TBC1D7: variants seen among roughly 807,000 people sequenced by gnomAD.
TBC1D7 encodes TBC1 domain family member 7.
TBC1D7 carries 33 observed loss-of-function variants against 35.3 expected under a neutral mutation model. The observed-to-expected ratio is 0.93, with a 90% confidence interval of 0.71 to 1.25. The LOEUF (loss-of-function observed/expected upper bound fraction) is 1.25. Among genes scored for constraint, TBC1D7 ranks in the 50% most tolerant of loss-of-function variants. The pLI, the probability that TBC1D7 is intolerant of heterozygous loss-of-function variation, is 0.00. For synonymous variants in TBC1D7, 135 were observed against 129.5 expected, an observed-to-expected ratio of 1.04 and a Z score of -0.29; for missense variants, 362 against 365.3, an observed-to-expected ratio of 0.99 and a Z score of 0.07.
At position 13,325,143 on chromosome 6, in the gene TBC1D7, C is replaced by T. The variant is rs768926863; in HGVS notation, c.144G>A (p.Arg48=). ...DTEKLCTFSQ[R]FPLPSMYRAL... is the part of the protein sequence containing the mutation. Reference sequence around the variant, plus strand: ...CACGGTACATGGACGGGAGAGGGAACCTCTGACTAAAAGTACAAAGTTTCT... The same window carrying T: ...CACGGTACATGGACGGGAGAGGGAATCTCTGACTAAAAGTACAAAGTTTCT... Residue 48 remains arginine, a synonymous_variant, in exon 3 of 8, where the codon AGG becomes AGA. Coordinates refer to ENST00000379300, the MANE Select transcript of TBC1D7 (RefSeq NM_016495.6). The T allele has an allele frequency of 6.2e-7, 1 of 1,613,558 alleles. No homozygotes were observed. Among genetic ancestry groups the T allele is most frequent in the African/African-American group, 1.3e-5 (1 of 74,902 alleles).
At chr6:13,315,730 T>C (rs1187509042) in intron 5 of TBC1D7, among the ~76,000 whole-genome samples, 2 of 151,992 alleles carry the variant, frequency 1.3e-5, no homozygotes, top group African/African-American at 2.4e-5. Flanking sequence ...AAAACAAAAA[T>C]GGAAACAAAA....
At chr6:13,312,789 CAA>C (rs34194566) in intron 5 of TBC1D7, among the ~76,000 whole-genome samples, 30 of 122,174 alleles carry the variant, frequency 2.5e-4, no homozygotes, top group African/African-American at 3.0e-4. Context: ...CACAAAAAAG[CAA>C]AAAAAAAAAA....
chr6:13,319,451 A>G (rs1384946728), intron 4 of TBC1D7: 1 of 146,026 alleles, frequency 6.8e-6, no homozygotes, highest in African/African-American at 2.6e-5. Flanking sequence ...AAAGAGAAAA[A>G]CTCTGTCTCA....
intron 4 of TBC1D7, 42 bp downstream of exon 4, chr6:13,320,866 G>A: frequency 6.3e-7 from 1 of 1,594,756 alleles, no homozygotes; most frequent in Non-Finnish European, 8.6e-7. Context: ...AGATGGGACG[G>A]TCTAGAGTTG....
intron 5 of TBC1D7, among the ~76,000 whole-genome samples, chr6:13,311,942 T>TATAAAC (rs1222950301): frequency 1.3e-5 from 2 of 150,768 alleles, no homozygotes; most frequent in Non-Finnish European, 3.0e-5. Flanking sequence ...TAGATATAAA[T>TATAAAC]ATAAATATAT....
At chr6:13,326,743 G>A in intron 2 of TBC1D7, 44 bp downstream of exon 2, 4 of 1,243,516 alleles carry the variant, frequency 3.2e-6, no homozygotes, top group Non-Finnish European at 4.7e-6. Context: ...CAGAACATGT[G>A]GAGTGATTGA....
chr6:13,326,367 G>A (rs1784405009), intron 2 of TBC1D7, among the ~76,000 whole-genome samples: 1 of 151,806 alleles, frequency 6.6e-6, no homozygotes, highest in South Asian at 2.1e-4. Context: ...GGAGGCTGAG[G>A]CAGGAGAATC....
chr6:13,308,278 T>C (rs763945194), intron 5 of TBC1D7, among the ~76,000 whole-genome samples: 1 of 152,218 alleles, frequency 6.6e-6, no homozygotes, highest in African/African-American at 2.4e-5. Context: ...TCACTGACCA[T>C]ACATACACTG....
At chr6:13,315,935 G>A (rs1783575160) in intron 5 of TBC1D7, among the ~76,000 whole-genome samples, 1 of 152,180 alleles carries the variant, frequency 6.6e-6, no homozygotes, top group Non-Finnish European at 1.5e-5. Context: ...AAAGCCTAAT[G>A]GGCCACAGTT....
In TBC1D7 at chr6:13,316,619, G is replaced by A; in HGVS notation, c.471C>T (p.Arg157=). ...ACTTGGTATTTAATTGGTTCACAAA[G>A]CGTCGGGTGATCCAGTAACAGTCGA... ...DSVDCYWITR[R]FVNQLNTKYR... Residue 157 remains arginine, a synonymous_variant, in exon 5 of 8, where the codon CGC becomes CGT. Transcript: ENST00000379300. The A allele has an allele frequency of 6.2e-7, 1 of 1,613,356 alleles. No homozygotes were observed. Among genetic ancestry groups the A allele is most frequent in the South Asian group, 1.1e-5 (1 of 91,030 alleles).
rs1222684181 is a variant in TBC1D7, at chr6:13,307,758, C to A, written c.520-13G>T. Reference sequence around the variant, plus strand: ...CAAACGCTTTTGGCTAAAGATTAAGCAAGAACAGAGATTATTCATTTTCTG... The same window carrying A: ...CAAACGCTTTTGGCTAAAGATTAAGAAAGAACAGAGATTATTCATTTTCTG... On this transcript the variant is annotated splice_polypyrimidine_tract_variant and intron_variant, in intron 5 of 7. Transcript: ENST00000379300. 6.2e-7 allele frequency: 1 copy of A among 1,609,800 alleles called. No individual in the cohort carries two copies. Among genetic ancestry groups the A allele is most frequent in the Non-Finnish European group, 8.5e-7 (1 of 1,177,136 alleles).
intron 5 of TBC1D7, among the ~76,000 whole-genome samples, chr6:13,312,985 G>T (rs1783339088): frequency 6.6e-6 from 1 of 151,992 alleles, no homozygotes; most frequent in Non-Finnish European, 1.5e-5. Flanking sequence ...TGTCTGTATT[G>T]AACAGACACA....
intron 7 of TBC1D7, 101 bp from the exon 8 acceptor site, chr6:13,305,288 C>T: frequency 9.0e-7 from 1 of 1,112,060 alleles, no homozygotes. Context: ...TGGGAGTTTG[C>T]ACTGTTTTTC....
At chr6:13,312,412 C>T (rs1195887439) in intron 5 of TBC1D7, among the ~76,000 whole-genome samples, 2 of 152,080 alleles carry the variant, frequency 1.3e-5, no homozygotes, top group Non-Finnish European at 2.9e-5. Context: ...ACAGGCCAGG[C>T]GTGGTGGCTC....
chr6:13,305,709 T>A (rs568696994), intron 7 of TBC1D7: 1 of 175,172 alleles, frequency 5.7e-6, no homozygotes, highest in Admixed American at 5.4e-5. Flanking sequence ...GTCTCTTTAA[T>A]CCTACTTCTT....
intron 3 of TBC1D7, among the ~76,000 whole-genome samples, chr6:13,323,392 A>G (rs1268633562): frequency 6.6e-6 from 1 of 151,992 alleles, no homozygotes; most frequent in Non-Finnish European, 1.5e-5. Flanking sequence ...GGTTAAGAAG[A>G]GTAGAAGTGA....
At position 13,305,245 on chromosome 6, in the gene TBC1D7, C is replaced by T. The variant is rs1782730877; in HGVS notation, c.796-58G>A. ...TCAGTGTTGACAACTTCAGTGTCTT[C>T]CCTCATTCGCTGTGGCATGAAATCC... On this transcript the variant is annotated intron_variant, in intron 7 of 7. Coordinates refer to ENST00000379300, the MANE Select transcript of TBC1D7 (RefSeq NM_016495.6). 1.1e-5 allele frequency: 16 copies of T among 1,499,740 alleles called. No individual in the cohort carries two copies. The Admixed American group carries it at 2.2e-4, about 20-fold the overall frequency. 92.9% of individuals were successfully genotyped at this position (1,499,740 alleles called of 1,614,324 possible).
At position 13,316,698 on chromosome 6, in the gene TBC1D7, T is replaced by C. The variant is rs1312708674; in HGVS notation, c.392A>G (p.Asp131Gly). 1.2e-6 allele frequency: 2 copies of C among 1,613,740 alleles called. No homozygotes were observed. The highest frequency in any genetic ancestry group is 1.7e-6 in the Non-Finnish European group (2 of 1,179,918). Residue 131 changes from aspartate to glycine, a missense_variant, in exon 5 of 8, where the codon GAT (aspartate) becomes GGT (glycine). Asp to Gly is a moderately conservative substitution (Grantham distance 94). Transcript: ENST00000379300. ...RSPSFPLEPD[D>G]EVFLAIAKAM... ...TTTAGCTATGGCAAGAAACACTTCA[T>C]CATCTGGCTCCTGAAAGATTAATAA...
chr6:13,307,574 A>T, intron 6 of TBC1D7, 26 bp downstream of exon 6: 1 of 1,613,116 alleles, frequency 6.2e-7, no homozygotes, highest in South Asian at 1.1e-5. Flanking sequence ...CCAAGCCTTC[A>T]ATATGTCTTC....
Sources: gnomAD v4.1 joint callset for allele counts (sites outside exome capture counted in the v4.1 genomes callset) on GRCh38, gnomAD v4.1.1 for gene constraint, MANE v1.5 for transcripts, NCBI Gene and HGNC (gene_info 2026-07-23, HGNC 2026-07-21) for gene names.